Variants in AGPAT5 observed in about 807,000 individuals in gnomAD.
AGPAT5 encodes 1-acylglycerol-3-phosphate O-acyltransferase 5.
AGPAT5 carries 46 observed loss-of-function variants against 45.6 expected under a neutral mutation model. The ratio of observed to expected loss-of-function variants is 1.01; its 90% CI spans 0.80 to 1.29. AGPAT5 has a LOEUF of 1.29. AGPAT5 is among the 50% of genes most tolerant of loss of function. The probability of loss-of-function intolerance (pLI) is 0.00; values close to 1 mark genes in which losing one functional copy is unlikely to be tolerated. For missense variants in AGPAT5, 673 were observed against 450.7 expected (o/e 1.49, Z -4.47); for synonymous variants, 272 against 167.0 (o/e 1.63, Z -4.85).
At chr8:6,720,649 C>T (rs1038862315) in intron 1 of AGPAT5, among the ~76,000 whole-genome samples, 7 of 152,130 alleles carry the variant, frequency 4.6e-5, no homozygotes, top group Admixed American at 2.6e-4. Context: ...GCTGTTTAAC[C>T]AAGAGAAAAA....
chr8:6,735,266 G>A (rs1336978001), intron 4 of AGPAT5, among the ~76,000 whole-genome samples: 1 of 152,170 alleles, frequency 6.6e-6, no homozygotes, highest in African/African-American at 2.4e-5. Context: ...CATAGGAAAG[G>A]TAGAAAGAAG....
intron 4 of AGPAT5, among the ~76,000 whole-genome samples, chr8:6,741,412 T>G (rs989944383): frequency 6.6e-6 from 1 of 152,182 alleles, no homozygotes. Context: ...AGAAATGTTT[T>G]TAGATTCTTC....
intron 4 of AGPAT5, among the ~76,000 whole-genome samples, chr8:6,739,636 T>C (rs1801173585): frequency 6.6e-6 from 1 of 152,138 alleles, no homozygotes; most frequent in South Asian, 2.1e-4. Context: ...TTATTTATCA[T>C]CTAGTAACTT....
intron 1 of AGPAT5, among the ~76,000 whole-genome samples, chr8:6,720,757 C>T (rs984467943): frequency 1.3e-5 from 2 of 152,212 alleles, no homozygotes; most frequent in East Asian, 3.9e-4. Context: ...TTTTCATATG[C>T]AAAATAAGAG....
chr8:6,742,942 T>C (rs1357684477), intron 5 of AGPAT5, among the ~76,000 whole-genome samples: 1 of 152,242 alleles, frequency 6.6e-6, no homozygotes, highest in Non-Finnish European at 1.5e-5. Flanking sequence ...TCTTTTGCAA[T>C]GCCATTGTCT....
At chr8:6,736,096 C>A (rs1221209238) in intron 4 of AGPAT5, among the ~76,000 whole-genome samples, 3 of 152,138 alleles carry the variant, frequency 2.0e-5, no homozygotes, top group African/African-American at 7.2e-5. Flanking sequence ...TCTTGATCCG[C>A]CCGCCTCGGC....
intron 7 of AGPAT5, among the ~76,000 whole-genome samples, chr8:6,755,944 G>A (rs1243311703): frequency 6.6e-6 from 1 of 152,042 alleles, no homozygotes; most frequent in African/African-American, 2.4e-5. Context: ...AAATTTAAAA[G>A]TAAGATCTAC....
intron 1 of AGPAT5, among the ~76,000 whole-genome samples, chr8:6,711,745 C>T (rs986885396): frequency 6.6e-6 from 1 of 152,172 alleles, no homozygotes; most frequent in Non-Finnish European, 1.5e-5. Context: ...GGAATCCGTT[C>T]TTGTGGGTTT....
intron 6 of AGPAT5, 118 bp downstream of exon 6, chr8:6,747,946 C>A: frequency 1.9e-6 from 2 of 1,029,482 alleles, no homozygotes; most frequent in Non-Finnish European, 1.4e-6. Flanking sequence ...TACATTTACC[C>A]GGTATATTTT....
At chr8:6,717,693 G>A (rs1224052062) in intron 1 of AGPAT5, among the ~76,000 whole-genome samples, 2 of 152,234 alleles carry the variant, frequency 1.3e-5, no homozygotes, top group African/African-American at 2.4e-5. Flanking sequence ...AAAGTTGGAT[G>A]TAACGTAGTT....
intron 3 of AGPAT5, among the ~76,000 whole-genome samples, chr8:6,731,043 A>G (rs958281807): frequency 1.3e-5 from 2 of 151,234 alleles, no homozygotes; most frequent in Non-Finnish European, 3.0e-5. Flanking sequence ...TAAATTTTCT[A>G]TTTTTTGTAG....
chr8:6,739,759 A>T (rs942759936), intron 4 of AGPAT5, among the ~76,000 whole-genome samples: 2 of 151,982 alleles, frequency 1.3e-5, no homozygotes, highest in African/African-American at 2.4e-5. Flanking sequence ...TTTTCTTGCT[A>T]AATTTTCTGG....
intron 5 of AGPAT5, 126 bp downstream of exon 5, chr8:6,741,877 G>C (rs1266774322): frequency 7.4e-6 from 5 of 672,762 alleles, no homozygotes; most frequent in Non-Finnish European, 1.3e-5. Flanking sequence ...CCTTGAATTA[G>C]TGTACATATT....
chr8:6,750,593 A>T (rs966098312), intron 6 of AGPAT5, among the ~76,000 whole-genome samples: 2 of 152,254 alleles, frequency 1.3e-5, no homozygotes, highest in Non-Finnish European at 2.9e-5. Context: ...TTCTTGCGTA[A>T]AGTGCACTTA....
intron 1 of AGPAT5, among the ~76,000 whole-genome samples, chr8:6,714,869 CT>C (rs1403994335): frequency 6.6e-6 from 1 of 152,196 alleles, no homozygotes; most frequent in Non-Finnish European, 1.5e-5. Flanking sequence ...TACTTTCCCT[CT>C]TTTGTATATT....
chr8:6,757,167 C>CT lies in AGPAT5; in HGVS notation c.876dup (p.Ile293TyrfsTer5). ...CTTTTTCCATTCTGGCCATAGGATG[C>CT]TTATAGAATTTTATGAGTCACCAGA... On this transcript the variant is annotated frameshift_variant, in exon 8 of 8. Transcript: ENST00000285518. LOFTEE classifies it high-confidence loss of function. 6.2e-7 allele frequency: 1 copy of CT among 1,612,446 alleles called. No homozygotes were observed. Among genetic ancestry groups the CT allele is most frequent in the Non-Finnish European group, 8.5e-7 (1 of 1,179,294 alleles).
chr8:6,723,660 A>G (rs1800583646), intron 1 of AGPAT5, among the ~76,000 whole-genome samples: 1 of 152,264 alleles, frequency 6.6e-6, no homozygotes, highest in African/African-American at 2.4e-5. Context: ...TTACTCATTT[A>G]TGTCATCGAT....
chr8:6,730,349 G>T (rs71505131), intron 2 of AGPAT5, among the ~76,000 whole-genome samples: 26,679 of 26,720 alleles, frequency 1, 13,325 homozygotes, highest in East Asian at 1. Flanking sequence ...TTTTTTTTTT[G>T]GAGACGGAGT....
chr8:6,712,459 G>A (rs1800186527), intron 1 of AGPAT5, among the ~76,000 whole-genome samples: 1 of 152,052 alleles, frequency 6.6e-6, no homozygotes, highest in Admixed American at 6.5e-5. Flanking sequence ...GTATGATGTG[G>A]TGAATATACT....
Sources: gnomAD v4.1 joint callset for allele counts (sites outside exome capture counted in the v4.1 genomes callset) on GRCh38, gnomAD v4.1.1 for gene constraint, MANE v1.5 for transcripts, NCBI Gene and HGNC (gene_info 2026-07-23, HGNC 2026-07-21) for gene names.